Variants in RIMS1 observed in about 807,000 individuals in gnomAD.
RIMS1 encodes the protein regulating synaptic membrane exocytosis protein 1.
RIMS1 carries 83 observed loss-of-function variants against 214.1 expected under a neutral mutation model. The observed-to-expected ratio is 0.39, with a 90% CI of 0.32 to 0.47. The LOEUF is 0.47. Ranked by LOEUF, RIMS1 falls within the 20% of genes least tolerant of loss-of-function variation. The pLI is 0.99. For missense variants in RIMS1, 2,050 were observed against 2,161.8 expected (o/e 0.95, Z 1.03); for synonymous variants, 793 against 786.8 (o/e 1.01, Z -0.13).
chr6:72,070,660 G>A (rs535546458), intron 2 of RIMS1, among the ~76,000 whole-genome samples: 1 of 152,254 alleles, frequency 6.6e-6, no homozygotes, highest in East Asian at 1.9e-4. Flanking sequence ...ACATTCCCAA[G>A]CAACTCTCCT....
At chr6:72,163,645 C>G (rs1180393280) in intron 4 of RIMS1, among the ~76,000 whole-genome samples, 1 of 140,784 alleles carries the variant, frequency 7.1e-6, no homozygotes, top group Admixed American at 7.3e-5. Flanking sequence ...TGCTGGAGGT[C>G]TACTCCAGAC....
intron 4 of RIMS1, among the ~76,000 whole-genome samples, chr6:72,160,522 G>C (rs561208257): frequency 1.1e-4 from 15 of 139,524 alleles, no homozygotes; most frequent in Admixed American, 8.8e-4. Context: ...CTGTGGGTTT[G>C]TCATAAATAG....
At chr6:72,083,964 GT>G (rs1482396263) in intron 2 of RIMS1, among the ~76,000 whole-genome samples, 1 of 152,092 alleles carries the variant, frequency 6.6e-6, no homozygotes, top group South Asian at 2.1e-4. Context: ...AGTTGGGTTG[GT>G]TTTTTTCCCT....
chr6:71,975,957 T>G (rs1797032270), intron 2 of RIMS1, among the ~76,000 whole-genome samples: 1 of 152,142 alleles, frequency 6.6e-6, no homozygotes. Flanking sequence ...CATCCATCAG[T>G]TAATGGACAT....
intron 4 of RIMS1, among the ~76,000 whole-genome samples, chr6:72,143,556 T>C (rs919851819): frequency 6.6e-6 from 1 of 152,176 alleles, no homozygotes; most frequent in South Asian, 2.1e-4. Context: ...TGGAAATGTG[T>C]GCAGTATTTC....
At chr6:72,107,070 TC>T (rs1212827585) in intron 4 of RIMS1, among the ~76,000 whole-genome samples, 2 of 152,338 alleles carry the variant, frequency 1.3e-5, no homozygotes, top group Admixed American at 1.3e-4. Flanking sequence ...AATGCCATCC[TC>T]CATGCAGAGT....
At chr6:71,905,956 T>G (rs1398732602) in intron 1 of RIMS1, among the ~76,000 whole-genome samples, 1 of 152,180 alleles carries the variant, frequency 6.6e-6, no homozygotes, top group Non-Finnish European at 1.5e-5. Context: ...CACAACCATC[T>G]AACCAATATT....
chr6:72,123,197 A>G (rs2038790006), intron 4 of RIMS1, among the ~76,000 whole-genome samples: 1 of 151,882 alleles, frequency 6.6e-6, no homozygotes, highest in Non-Finnish European at 1.5e-5. Context: ...GTTTCAAAGA[A>G]CATCTTTATT....
intron 2 of RIMS1, among the ~76,000 whole-genome samples, chr6:71,990,297 C>T (rs540367539): frequency 1.3e-5 from 2 of 152,260 alleles, no homozygotes; most frequent in South Asian, 2.1e-4. Flanking sequence ...AGCTCATTTA[C>T]AATGCACTTA....
chr6:72,183,704 T>A (rs2048692712), intron 6 of RIMS1, among the ~76,000 whole-genome samples: 2 of 149,286 alleles, frequency 1.3e-5, no homozygotes, highest in South Asian at 4.2e-4. Context: ...ATATACTGGA[T>A]TTTTTTTTTG....
At chr6:72,273,786 A>G (rs1008952564) in intron 22 of RIMS1, among the ~76,000 whole-genome samples, 4 of 152,164 alleles carry the variant, frequency 2.6e-5, no homozygotes, top group African/African-American at 4.8e-5. Flanking sequence ...TTAAGAATTC[A>G]CTTGTAGTTT....
chr6:72,085,414 C>CA (rs1419318274), intron 2 of RIMS1, among the ~76,000 whole-genome samples: 15 of 152,016 alleles, frequency 9.9e-5, no homozygotes, highest in African/African-American at 3.6e-4. Context: ...CTGTGATTCA[C>CA]AAAATTGTAA....
intron 2 of RIMS1, among the ~76,000 whole-genome samples, chr6:72,036,317 G>A (rs1819596066): frequency 6.6e-6 from 1 of 152,124 alleles, no homozygotes; most frequent in Non-Finnish European, 1.5e-5. Context: ...AGACTCTCCT[G>A]GTTTGCAGTA....
rs773122837 is a variant in RIMS1 at position 72,251,239 on chromosome 6, C to A, written c.2569C>A (p.Leu857Ile). 2.5e-6 allele frequency: 4 copies of A among 1,598,452 alleles called. No homozygotes were observed. Among genetic ancestry groups the A allele is most frequent in the Non-Finnish European group, 3.4e-6 (4 of 1,171,540 alleles). Residue 857 changes from leucine to isoleucine, a missense_variant, in exon 15 of 34, where the codon CTT becomes ATT. Physicochemically the swap from Leu to Ile is conservative, Grantham distance 5. This residue lies in a region of RIMS1 where 889 missense variants were observed against 885.5 expected (regional missense o/e 1.00). Coordinates refer to ENST00000521978, the MANE Select transcript of RIMS1 (RefSeq NM_014989.7). ...GATCCTCATAGAATTGGAGACAGCG[C>A]TTTTAGATGATGAACCGCATTGGTA... ...GEILIELETA[L>I]LDDEPHWYKL...
intron 6 of RIMS1, among the ~76,000 whole-genome samples, chr6:72,200,698 C>G (rs2250128): frequency 6.6e-6 from 1 of 151,976 alleles, no homozygotes; most frequent in African/African-American, 2.4e-5. Flanking sequence ...TCTTAACTAC[C>G]GAAAAGGAGA....
intron 4 of RIMS1, among the ~76,000 whole-genome samples, chr6:72,127,846 A>T (rs936242863): frequency 3.9e-5 from 6 of 152,242 alleles, no homozygotes; most frequent in African/African-American, 1.4e-4. Context: ...GATTGCAGAG[A>T]CAGAAATAAA....
At chr6:72,139,982 T>G (rs1227550501) in intron 4 of RIMS1, among the ~76,000 whole-genome samples, 1 of 152,164 alleles carries the variant, frequency 6.6e-6, no homozygotes, top group African/African-American at 2.4e-5. Context: ...GCAAGTTAAT[T>G]TCTTTGTATT....
intron 33 of RIMS1, among the ~76,000 whole-genome samples, chr6:72,399,621 T>G (rs1564911784): frequency 6.6e-6 from 1 of 151,504 alleles, no homozygotes. Context: ...TTATATACAT[T>G]ATTTAAATTT....
chr6:72,339,092 C>T (rs960925405), intron 29 of RIMS1, among the ~76,000 whole-genome samples: 1 of 151,610 alleles, frequency 6.6e-6, no homozygotes, highest in Admixed American at 6.6e-5. Context: ...TCAGAAAAGA[C>T]AATTATATTA....
Sources: gnomAD v4.1 joint callset for allele counts (sites outside exome capture counted in the v4.1 genomes callset) on GRCh38, gnomAD v4.1.1 for gene constraint, gnomAD v4.1.1 regional missense constraint, MANE v1.5 for transcripts, NCBI Gene and HGNC (gene_info 2026-07-23, HGNC 2026-07-21) for gene names.